Variants in LRP1B observed in about 807,000 individuals in gnomAD.
The protein encoded by LRP1B is LDL receptor related protein 1B.
In LRP1B, 217 loss-of-function variants were observed where a neutral mutation model predicts 556.6. The observed-to-expected ratio is 0.39, with a 90% CI of 0.35 to 0.44. The LOEUF (loss-of-function observed/expected upper bound fraction) is 0.44. Ranked by LOEUF, LRP1B falls within the 20% of genes least tolerant of loss-of-function variation. The probability of loss-of-function intolerance (pLI) is 1.00; values close to 1 mark genes in which losing one functional copy is unlikely to be tolerated. For synonymous variants in LRP1B, 2,047 were observed against 1,865.8 expected (o/e 1.10, Z -2.50); for missense variants, 5,053 against 5,620.8 (o/e 0.90, Z 3.23).
At chr2:141,841,968 A>G (rs574994583) in intron 1 of LRP1B, among the ~76,000 whole-genome samples, 16 of 152,310 alleles carry the variant, frequency 1.1e-4, no homozygotes, top group African/African-American at 3.6e-4. Flanking sequence ...AAGCTAGAGT[A>G]AGTATTAAAG....
intron 3 of LRP1B, among the ~76,000 whole-genome samples, chr2:141,415,471 C>A (rs1177882244): frequency 6.6e-6 from 1 of 152,048 alleles, no homozygotes; most frequent in African/African-American, 2.4e-5. Context: ...TACTATTGTG[C>A]CCAGACTGCC....
At chr2:140,491,338 A>G (rs1474391385) in intron 57 of LRP1B, among the ~76,000 whole-genome samples, 1 of 152,106 alleles carries the variant, frequency 6.6e-6, no homozygotes, top group African/African-American at 2.4e-5. Context: ...AAATGGTCAG[A>G]ATGTTATGTA....
intron 5 of LRP1B, among the ~76,000 whole-genome samples, chr2:141,232,857 T>A (rs777226828): frequency 1.3e-5 from 2 of 152,116 alleles, no homozygotes; most frequent in African/African-American, 4.8e-5. Context: ...AGGTCAAATA[T>A]GGAGGAAGGA....
At chr2:140,592,446 C>T (rs957777781) in intron 43 of LRP1B, among the ~76,000 whole-genome samples, 2 of 143,986 alleles carry the variant, frequency 1.4e-5, no homozygotes, top group African/African-American at 5.1e-5. Flanking sequence ...CAAATATTTC[C>T]TTTTTTTTTT....
At chr2:141,828,668 A>G (rs909023466) in intron 1 of LRP1B, among the ~76,000 whole-genome samples, 5 of 152,126 alleles carry the variant, frequency 3.3e-5, no homozygotes, top group African/African-American at 1.2e-4. Flanking sequence ...AATCTAGTCA[A>G]AGCTGATTGG....
intron 82 of LRP1B, among the ~76,000 whole-genome samples, chr2:140,321,666 T>C (rs914537864): frequency 6.6e-6 from 1 of 151,856 alleles, no homozygotes; most frequent in African/African-American, 2.4e-5. Context: ...AAAATATTGT[T>C]TTATCTAATA....
chr2:140,463,726 T>C (rs886070593), intron 60 of LRP1B, among the ~76,000 whole-genome samples: 1 of 152,188 alleles, frequency 6.6e-6, no homozygotes. Context: ...CTTTTCCTTT[T>C]AGTATAGGTC....
At chr2:141,061,912 C>A (rs752934110) in intron 8 of LRP1B, 139 bp downstream of exon 8, 6 of 664,406 alleles carry the variant, frequency 9.0e-6, no homozygotes, top group Non-Finnish European at 1.6e-5. Flanking sequence ...AAAGAACATT[C>A]TCCAATATAG....
intron 1 of LRP1B, among the ~76,000 whole-genome samples, chr2:141,858,482 A>G (rs184612696): frequency 3.3e-5 from 5 of 152,336 alleles, no homozygotes; most frequent in African/African-American, 1.2e-4. Context: ...GATACATAAA[A>G]ATAGATCCAG....
At chr2:140,757,262 A>G (rs1162458075) in intron 35 of LRP1B, among the ~76,000 whole-genome samples, 1 of 152,226 alleles carries the variant, frequency 6.6e-6, no homozygotes, top group Admixed American at 6.5e-5. Flanking sequence ...AAGTTTGAAC[A>G]TAAACAGTTA....
intron 2 of LRP1B, among the ~76,000 whole-genome samples, chr2:141,530,416 C>T (rs995910597): frequency 2.0e-5 from 3 of 151,958 alleles, no homozygotes; most frequent in Non-Finnish European, 2.9e-5. Flanking sequence ...ATCTCTGATC[C>T]CTGGGTAATA....
At chr2:141,288,248 AAT>A (rs1685799334) in intron 3 of LRP1B, among the ~76,000 whole-genome samples, 1 of 151,556 alleles carries the variant, frequency 6.6e-6, no homozygotes, top group African/African-American at 2.4e-5. Flanking sequence ...CAAAAAAAAA[AAT>A]TTGTTTTCAA....
intron 1 of LRP1B, among the ~76,000 whole-genome samples, chr2:142,024,685 A>G (rs1703449471): frequency 6.6e-6 from 1 of 151,506 alleles, no homozygotes; most frequent in South Asian, 2.1e-4. Flanking sequence ...AAAAACTAAA[A>G]TCTGTGTGAC....
At chr2:140,941,536 G>A (rs1030612269) in intron 20 of LRP1B, among the ~76,000 whole-genome samples, 6 of 152,140 alleles carry the variant, frequency 3.9e-5, no homozygotes, top group African/African-American at 1.4e-4. Context: ...GAGCACCTAT[G>A]TAAAAGCCTA....
chr2:141,856,858 T>C (rs1259314081), intron 1 of LRP1B, among the ~76,000 whole-genome samples: 1 of 152,054 alleles, frequency 6.6e-6, no homozygotes, highest in Non-Finnish European at 1.5e-5. Flanking sequence ...TATTCAAGTT[T>C]AAACTTGTAT....
At chr2:140,818,403 C>T (rs1389727890) in intron 31 of LRP1B, among the ~76,000 whole-genome samples, 1 of 152,178 alleles carries the variant, frequency 6.6e-6, no homozygotes, top group Non-Finnish European at 1.5e-5. Context: ...CAATAAGTTA[C>T]ATCACATGCT....
chr2:141,418,118 A>G (rs1679983920), intron 3 of LRP1B, among the ~76,000 whole-genome samples: 1 of 152,088 alleles, frequency 6.6e-6, no homozygotes, highest in Non-Finnish European at 1.5e-5. Flanking sequence ...GAGTTGTATG[A>G]GTTTCTTATA....
rs145367352 is a variant in LRP1B at position 140,234,391 on chromosome 2, G to A, written c.13659+395C>T. On this transcript the variant is annotated intron_variant, in intron 90 of 90. Transcript: ENST00000389484. ...TCTCAATATGATGACACATTTTAAA[G>A]TATAGTCTATTTAACTGCACGTCAA... Among the ~76,000 whole-genome samples, 80 of 151,206 alleles carry A rather than the reference G, an allele frequency of 5.3e-4. 1 individual carries two copies. In the East Asian group the frequency reaches 0.013, roughly 25 times the overall value.
intron 3 of LRP1B, among the ~76,000 whole-genome samples, chr2:141,467,851 A>C: frequency 2.1e-5 from 2 of 95,608 alleles, no homozygotes; most frequent in African/African-American, 4.2e-5. Context: ...GGGGGGGGGG[A>C]ATTCCAGCAT....
Sources: allele counts gnomAD v4.1 joint callset (sites outside exome capture counted in the v4.1 genomes callset), GRCh38; gene constraint gnomAD v4.1.1; transcripts MANE v1.5; gene names NCBI Gene and HGNC (gene_info 2026-07-23, HGNC 2026-07-21).